Variants in TENM3 observed in about 807,000 individuals in gnomAD.
TENM3 encodes the protein teneurin-3.
A neutral mutation model predicts 255.1 loss-of-function variants in TENM3; 63 were observed. The observed-to-expected ratio is 0.25, with a 90% CI of 0.20 to 0.30. TENM3 has a LOEUF of 0.30. TENM3 is among the 10% of genes least tolerant of loss of function. TENM3 has a pLI of 1.00. For missense variants in TENM3, 2,929 were observed against 3,461.1 expected, an observed-to-expected ratio of 0.85 and a Z score of 3.86; for synonymous variants, 1,306 against 1,322.3, an observed-to-expected ratio of 0.99 and a Z score of 0.27.
chr4:181,628,361 G>T, the TENM3 span, among the ~76,000 whole-genome samples: 2 of 152,154 alleles, frequency 1.3e-5, no homozygotes, highest in Admixed American at 1.3e-4. Context: ...GTCAATTTTG[G>T]GTTTTGTTGC....
intron 1 of TENM3, among the ~76,000 whole-genome samples, chr4:182,237,106 G>T (rs972516419): frequency 5.9e-5 from 9 of 152,108 alleles, no homozygotes; most frequent in Non-Finnish European, 1.3e-4. Flanking sequence ...GCAGTGTTTG[G>T]TTTTTTGTTC....
chr4:182,431,588 C>G (rs933277843), intron 3 of TENM3, among the ~76,000 whole-genome samples: 8 of 152,120 alleles, frequency 5.3e-5, no homozygotes, highest in Non-Finnish European at 1.0e-4. Flanking sequence ...TTACGTAGGA[C>G]TTGGAGGAAA....
At chr4:181,641,554 G>GTATGTATATATATATA in the TENM3 span, among the ~76,000 whole-genome samples, 1 of 26,910 alleles carries the variant, frequency 3.7e-5, no homozygotes, top group Non-Finnish European at 6.5e-5. Context: ...TGGTGTGTGT[G>GTATGTATATATATATA]TATATATATA....
chr4:181,977,714 G>A, the TENM3 span, among the ~76,000 whole-genome samples: 2 of 152,046 alleles, frequency 1.3e-5, no homozygotes, highest in African/African-American at 4.8e-5. Context: ...ACCTGGGGTG[G>A]GTATTTTAGG....
chr4:181,749,792 A>G, the TENM3 span, among the ~76,000 whole-genome samples: 1 of 151,988 alleles, frequency 6.6e-6, no homozygotes. Flanking sequence ...ATCAAATTTG[A>G]CCTCTTTCTG....
At chr4:182,180,428 A>G (rs541874217) in intron 1 of TENM3, among the ~76,000 whole-genome samples, 9 of 152,236 alleles carry the variant, frequency 5.9e-5, no homozygotes, top group African/African-American at 2.2e-4. Flanking sequence ...TTTCTTTAGC[A>G]TAAATTTATG....
chr4:182,051,095 C>A, the TENM3 span, among the ~76,000 whole-genome samples: 91 of 151,918 alleles, frequency 6.0e-4, no homozygotes, highest in African/African-American at 2.2e-3. Context: ...TGTAATCCCA[C>A]CATTTTGGGA....
At chr4:181,684,069 G>C in the TENM3 span, among the ~76,000 whole-genome samples, 1 of 152,218 alleles carries the variant, frequency 6.6e-6, no homozygotes, top group African/African-American at 2.4e-5. Context: ...ACTTGAGGCA[G>C]TTTTTAGCTG....
chr4:182,783,925 C>G (rs1765392055), intron 24 of TENM3, among the ~76,000 whole-genome samples: 1 of 152,110 alleles, frequency 6.6e-6, no homozygotes, highest in Non-Finnish European at 1.5e-5. Context: ...TTCAGCACTT[C>G]TCTGTATTGG....
intron 3 of TENM3, among the ~76,000 whole-genome samples, chr4:182,530,259 T>C (rs1241463475): frequency 6.6e-6 from 1 of 152,228 alleles, no homozygotes; most frequent in Non-Finnish European, 1.5e-5. Flanking sequence ...CTAAATTTTA[T>C]GCACGCCACA....
chr4:182,777,547 CTTTTTTTTTTTT>C (rs1157448732), intron 24 of TENM3, among the ~76,000 whole-genome samples: 498 of 45,458 alleles, frequency 0.011, 9 homozygotes, highest in African/African-American at 0.041. Flanking sequence ...GTGTGTATTT[CTTTTTTTTTTTT>C]TTTTTTTTTT....
chr4:182,177,251 A>G (rs1453235927), intron 1 of TENM3, among the ~76,000 whole-genome samples: 1 of 151,994 alleles, frequency 6.6e-6, no homozygotes, highest in South Asian at 2.1e-4. Context: ...CCAATGATAC[A>G]TTTCATTATT....
the TENM3 span, among the ~76,000 whole-genome samples, chr4:182,120,581 G>A: frequency 6.6e-6 from 1 of 152,140 alleles, no homozygotes; most frequent in African/African-American, 2.4e-5. Context: ...ATATATTTGT[G>A]ACAAAGCAGG....
chr4:181,460,998 TTA>T, the TENM3 span, among the ~76,000 whole-genome samples: 142 of 152,198 alleles, frequency 9.3e-4, 1 homozygote, highest in African/African-American at 3.2e-3. Context: ...ATTTCTGACT[TTA>T]TGATTTTCCT....
chr4:181,920,580 G>T, the TENM3 span, among the ~76,000 whole-genome samples: 27 of 152,156 alleles, frequency 1.8e-4, no homozygotes, highest in African/African-American at 6.3e-4. Flanking sequence ...TAATGGGGTT[G>T]TTTGTTTTTT....
rs563709537 is a variant in TENM3, at chr4:182,497,031, A to G, written c.512-103893A>G. On this transcript the variant is annotated intron_variant, in intron 3 of 27. Coordinates refer to ENST00000511685, the MANE Select transcript of TENM3 (RefSeq NM_001080477.4). ...TTCCAAAGCAATTCCATGTTATACT[A>G]AGTATACTGGGAGCCATCCACTTAC... Among the ~76,000 whole-genome samples, 43 of 152,000 alleles carry G rather than the reference A, an allele frequency of 2.8e-4. No individual in the cohort carries two copies. The South Asian group carries it at 8.7e-3, about 31-fold the overall frequency.
intron 3 of TENM3, among the ~76,000 whole-genome samples, chr4:182,389,975 G>A (rs1369977684): frequency 2.0e-5 from 3 of 152,118 alleles, no homozygotes; most frequent in Admixed American, 2.0e-4. Context: ...GTGAGCCACC[G>A]CGCCCGGCCC....
the TENM3 span, among the ~76,000 whole-genome samples, chr4:182,026,541 C>T: frequency 2.0e-5 from 3 of 152,170 alleles, no homozygotes; most frequent in South Asian, 2.1e-4. Context: ...TTGCCCACAC[C>T]AATGTCCTAT....
chr4:182,220,961 T>A (rs1187661083), intron 1 of TENM3, among the ~76,000 whole-genome samples: 1 of 152,228 alleles, frequency 6.6e-6, no homozygotes, highest in African/African-American at 2.4e-5. Context: ...TATCTACATA[T>A]CTTTTAGCAG....
Sources: gnomAD v4.1 joint callset for allele counts (sites outside exome capture counted in the v4.1 genomes callset) on GRCh38, gnomAD v4.1.1 for gene constraint, MANE v1.5 for transcripts, NCBI Gene and HGNC (gene_info 2026-07-23, HGNC 2026-07-21) for gene names.